Variants in SGCZ observed in about 807,000 individuals in gnomAD.
SGCZ encodes zeta-sarcoglycan.
A neutral mutation model predicts 41.3 loss-of-function variants in SGCZ; 40 were observed. The ratio of observed to expected loss-of-function variants is 0.97; its 90% CI spans 0.75 to 1.26. The LOEUF (loss-of-function observed/expected upper bound fraction) is 1.26. SGCZ is among the 50% of genes most tolerant of loss of function. The probability of loss-of-function intolerance (pLI) is 0.00; values close to 1 mark genes in which losing one functional copy is unlikely to be tolerated. For missense variants in SGCZ, 552 were observed against 369.8 expected, an observed-to-expected ratio of 1.49 and a Z score of -4.04; for synonymous variants, 206 against 137.5, an observed-to-expected ratio of 1.50 and a Z score of -3.49.
At chr8:14,878,646 A>T (rs997049772) in intron 1 of SGCZ, among the ~76,000 whole-genome samples, 3 of 152,214 alleles carry the variant, frequency 2.0e-5, no homozygotes, top group African/African-American at 7.2e-5. Context: ...GACTTTCAGA[A>T]AAGCTATGTC....
chr8:14,476,327 C>G (rs1304787928), intron 2 of SGCZ, among the ~76,000 whole-genome samples: 1 of 152,110 alleles, frequency 6.6e-6, no homozygotes, highest in Non-Finnish European at 1.5e-5. Flanking sequence ...AGCTTACAGA[C>G]AGAACACTGG....
At chr8:14,960,582 T>C (rs919479816) in intron 1 of SGCZ, among the ~76,000 whole-genome samples, 2 of 152,126 alleles carry the variant, frequency 1.3e-5, no homozygotes, top group African/African-American at 2.4e-5. Context: ...GCAGCTACAA[T>C]AGTCACTGTT....
At chr8:14,406,765 T>G (rs1390157205) in intron 2 of SGCZ, among the ~76,000 whole-genome samples, 1 of 152,150 alleles carries the variant, frequency 6.6e-6, no homozygotes, top group Non-Finnish European at 1.5e-5. Flanking sequence ...TTCCAGAAAT[T>G]TTTGCATACG....
At chr8:14,220,019 A>T (rs1265914307) in intron 4 of SGCZ, among the ~76,000 whole-genome samples, 2 of 152,212 alleles carry the variant, frequency 1.3e-5, no homozygotes, top group African/African-American at 4.8e-5. Flanking sequence ...ATTAATAAAG[A>T]TGTGTTTGAG....
rs186387667 is a variant in SGCZ at position 14,709,312 on chromosome 8, C to G, written c.40-154386G>C. On this transcript the variant is annotated intron_variant, in intron 1 of 7. Coordinates refer to ENST00000382080, the MANE Select transcript of SGCZ (RefSeq NM_139167.4). ...AATGTCTTGCGTGTGTAACTAATCC[C>G]TCCAACCCAGAGAAAGCTACATGCC... is the stretch of plus-strand genomic sequence containing the variant. Among the ~76,000 whole-genome samples the G allele has an allele frequency of 6.6e-5, 10 of 152,272 alleles. No homozygotes were observed. The East Asian group carries it at 1.7e-3, about 26-fold the overall frequency.
intron 1 of SGCZ, among the ~76,000 whole-genome samples, chr8:14,837,690 A>C (rs1802747804): frequency 6.6e-6 from 1 of 152,312 alleles, no homozygotes; most frequent in Non-Finnish European, 1.5e-5. Flanking sequence ...TTATTTATGA[A>C]CTTATTTATA....
At chr8:14,134,029 A>G (rs1482223560) in intron 5 of SGCZ, among the ~76,000 whole-genome samples, 4 of 152,232 alleles carry the variant, frequency 2.6e-5, no homozygotes, top group African/African-American at 9.6e-5. Flanking sequence ...GCATCAGAAT[A>G]TGATAGAATC....
intron 1 of SGCZ, among the ~76,000 whole-genome samples, chr8:14,613,698 T>C (rs1245058501): frequency 6.6e-6 from 1 of 151,890 alleles, no homozygotes; most frequent in African/African-American, 2.4e-5. Flanking sequence ...ATTTTTAATA[T>C]ACTGGAATCA....
intron 1 of SGCZ, among the ~76,000 whole-genome samples, chr8:14,814,228 C>T (rs1046809084): frequency 9.9e-5 from 15 of 152,066 alleles, no homozygotes; most frequent in Admixed American, 7.2e-4. Context: ...GCCATATTTG[C>T]GTTATTTTAA....
At chr8:14,878,582 T>C (rs182447952) in intron 1 of SGCZ, among the ~76,000 whole-genome samples, 107 of 152,296 alleles carry the variant, frequency 7.0e-4, no homozygotes, top group African/African-American at 2.4e-3. Flanking sequence ...TCTTCCAAAA[T>C]GATGCAGCAC....
intron 1 of SGCZ, among the ~76,000 whole-genome samples, chr8:15,079,815 A>G (rs1422293516): frequency 6.6e-6 from 1 of 152,132 alleles, no homozygotes; most frequent in Non-Finnish European, 1.5e-5. Flanking sequence ...TTGGGCTTCT[A>G]ATCATCCTAT....
At chr8:14,842,725 T>A (rs1802968084) in intron 1 of SGCZ, among the ~76,000 whole-genome samples, 1 of 152,150 alleles carries the variant, frequency 6.6e-6, no homozygotes, top group Admixed American at 6.5e-5. Flanking sequence ...ATGATGAAAA[T>A]GTACTTGAAA....
At chr8:15,233,694 T>C (rs1261714058) in intron 1 of SGCZ, among the ~76,000 whole-genome samples, 3 of 151,858 alleles carry the variant, frequency 2.0e-5, no homozygotes, top group African/African-American at 4.8e-5. Context: ...GAAAAGTTGT[T>C]TTATGTGTCT....
intron 1 of SGCZ, among the ~76,000 whole-genome samples, chr8:14,868,015 C>T (rs576723474): frequency 6.6e-6 from 1 of 152,112 alleles, no homozygotes; most frequent in Non-Finnish European, 1.5e-5. Flanking sequence ...GAGTCCCTGC[C>T]TACCTCCTTA....
chr8:14,831,834 G>A (rs968068420), intron 1 of SGCZ, among the ~76,000 whole-genome samples: 2 of 152,082 alleles, frequency 1.3e-5, no homozygotes, highest in Non-Finnish European at 2.9e-5. Flanking sequence ...ATGTATATAT[G>A]TGTGCACATA....
intron 2 of SGCZ, among the ~76,000 whole-genome samples, chr8:14,550,620 T>C (rs751905719): frequency 6.6e-6 from 1 of 151,954 alleles, no homozygotes; most frequent in Non-Finnish European, 1.5e-5. Flanking sequence ...AACTGTTTTT[T>C]CCAACTTAAT....
intron 2 of SGCZ, among the ~76,000 whole-genome samples, chr8:14,349,228 T>C (rs1803002980): frequency 2.0e-5 from 3 of 152,172 alleles, no homozygotes; most frequent in African/African-American, 4.8e-5. Context: ...ATCGGTTGCC[T>C]GGAACTATCT....
chr8:14,753,899 T>C (rs1799574744), intron 1 of SGCZ, among the ~76,000 whole-genome samples: 1 of 152,184 alleles, frequency 6.6e-6, no homozygotes, highest in Non-Finnish European at 1.5e-5. Flanking sequence ...CAGAAGACCA[T>C]AGGCAAAACT....
intron 1 of SGCZ, among the ~76,000 whole-genome samples, chr8:15,231,264 A>T (rs144436445): frequency 0.011 from 1,653 of 152,294 alleles, 26 homozygotes; most frequent in African/African-American, 0.037. Flanking sequence ...TCATATGTCA[A>T]CTTGGCATAG....
Sources: gnomAD v4.1 joint callset for allele counts (sites outside exome capture counted in the v4.1 genomes callset) on GRCh38, gnomAD v4.1.1 for gene constraint, MANE v1.5 for transcripts, NCBI Gene and HGNC (gene_info 2026-07-23, HGNC 2026-07-21) for gene names.